OPHN1: variants seen among roughly 807,000 people sequenced by gnomAD.
OPHN1 encodes the protein oligophrenin-1.
Under a neutral mutation model 60.7 loss-of-function variants are expected in OPHN1, and 11 were observed. The ratio of observed to expected loss-of-function variants is 0.18; its 90% confidence interval spans 0.11 to 0.30. The LOEUF (loss-of-function observed/expected upper bound fraction) is 0.30. Ranked by LOEUF, OPHN1 falls within the 10% of genes least tolerant of loss-of-function variation. OPHN1 has a pLI of 1.00. For missense variants in OPHN1, 449 were observed against 611.0 expected (o/e 0.73, Z 2.80); for synonymous variants, 226 against 222.6 (o/e 1.02, Z -0.14).
chrX:68,346,889 C>T lies in OPHN1; in HGVS notation c.155-47793G>A, dbSNP rs1020513963. 4.5e-5 allele frequency among the ~76,000 whole-genome samples: 5 copies of T among 112,140 alleles called. No homozygotes were observed. In the East Asian group the frequency reaches 1.4e-3, roughly 32 times the overall value. ...TGACAAAGTAAGCTCAATTTCTCTG[C>T]GAGAATTCTTTTGGGAAAACAATCT... is the stretch of plus-strand genomic sequence containing the variant. On this transcript the variant is annotated intron_variant, in intron 2 of 24. Coordinates refer to ENST00000355520, the MANE Select transcript of OPHN1 (RefSeq NM_002547.3).
intron 24 of OPHN1, 73 bp downstream of exon 24, chrX:68,048,343 C>T (rs967796449): frequency 3.1e-6 from 3 of 975,612 alleles, no homozygotes; most frequent in Non-Finnish European, 1.5e-6. Context: ...TATTCCAGTC[C>T]TCAAAATATC....
intron 3 of OPHN1, among the ~76,000 whole-genome samples, chrX:68,287,273 A>AGAAGG (rs1326194805): frequency 2.0e-5 from 2 of 97,798 alleles, no homozygotes; most frequent in East Asian, 3.4e-4. Flanking sequence ...AAAAGAGAAG[A>AGAAGG]GAAGGGAAGG....
At chrX:68,253,598 T>A (rs2077846659) in intron 5 of OPHN1, among the ~76,000 whole-genome samples, 1 of 111,960 alleles carries the variant, frequency 8.9e-6, no homozygotes, top group African/African-American at 3.2e-5. Flanking sequence ...CTGCTAAATG[T>A]AAGCTACAAT....
chrX:68,336,671 AGAGT>A (rs1189587044), intron 2 of OPHN1, among the ~76,000 whole-genome samples: 1 of 84,429 alleles, frequency 1.2e-5, no homozygotes, highest in East Asian at 3.1e-4. Context: ...TGTGTGTGTG[AGAGT>A]GTGTGTGTGT....
chrX:68,393,599 C>T (rs191421424), intron 2 of OPHN1, among the ~76,000 whole-genome samples: 42 of 111,657 alleles, frequency 3.8e-4, no homozygotes, highest in Non-Finnish European at 7.0e-4. Flanking sequence ...GAGTTTCATG[C>T]GTCAAACATA....
chrX:68,269,499 A>T (rs1569264638), intron 5 of OPHN1, among the ~76,000 whole-genome samples: 1 of 111,856 alleles, frequency 8.9e-6, no homozygotes, highest in Non-Finnish European at 1.9e-5. Flanking sequence ...ACGATTCCCT[A>T]TTTAATAAAT....
intron 15 of OPHN1, among the ~76,000 whole-genome samples, chrX:68,151,405 A>G (rs1035366098): frequency 2.0e-4 from 22 of 112,143 alleles, no homozygotes; most frequent in Non-Finnish European, 3.8e-4. Flanking sequence ...ATTGAGGCTG[A>G]AAGACATATC....
At chrX:68,051,705 A>G (rs922269345) in intron 23 of OPHN1, among the ~76,000 whole-genome samples, 1 of 112,181 alleles carries the variant, frequency 8.9e-6, no homozygotes, top group African/African-American at 3.2e-5. Flanking sequence ...TAAAAAAAAA[A>G]ACTAACAAAA....
intron 2 of OPHN1, among the ~76,000 whole-genome samples, chrX:68,333,068 C>T (rs1435479477): frequency 1.8e-5 from 2 of 110,323 alleles, no homozygotes; most frequent in East Asian, 5.7e-4. Context: ...ACATTCTAGC[C>T]CCTGTTAAGC....
At chrX:68,184,840 CCCGT>C (rs2077455384) in intron 15 of OPHN1, among the ~76,000 whole-genome samples, 1 of 111,760 alleles carries the variant, frequency 8.9e-6, no homozygotes, top group Non-Finnish European at 1.9e-5. Flanking sequence ...AAGTGATCTG[CCCGT>C]CTCGGTCTCC....
At chrX:68,307,439 G>A (rs1221115340) in intron 2 of OPHN1, among the ~76,000 whole-genome samples, 1 of 103,219 alleles carries the variant, frequency 9.7e-6, no homozygotes, top group African/African-American at 3.7e-5. Context: ...CTGGGTGACA[G>A]AGCGAGACCC....
chrX:68,395,511 G>C (rs777599903), intron 2 of OPHN1, among the ~76,000 whole-genome samples: 68 of 104,886 alleles, frequency 6.5e-4, no homozygotes, highest in African/African-American at 1.9e-3. Flanking sequence ...GCAATGGCAC[G>C]ATCTCGGCTC....
At chrX:68,095,774 G>C (rs1284591403) in intron 19 of OPHN1, among the ~76,000 whole-genome samples, 2 of 111,049 alleles carry the variant, frequency 1.8e-5, no homozygotes, top group African/African-American at 6.6e-5. Flanking sequence ...GGCACTAGCT[G>C]CTATGAAGCT....
At chrX:68,171,908 C>T (rs1356880982) in intron 15 of OPHN1, among the ~76,000 whole-genome samples, 1 of 111,468 alleles carries the variant, frequency 9.0e-6, no homozygotes, top group African/African-American at 3.3e-5. Context: ...ATAACCACAA[C>T]ACATTATCAT....
chrX:68,374,351 T>A (rs1271857425), intron 2 of OPHN1, among the ~76,000 whole-genome samples: 2 of 90,603 alleles, frequency 2.2e-5, no homozygotes, highest in African/African-American at 5.0e-5. Flanking sequence ...TGAGACTCCA[T>A]CTCAAAAAAA....
chrX:68,355,218 C>A (rs1486068902), intron 2 of OPHN1, among the ~76,000 whole-genome samples: 2 of 112,624 alleles, frequency 1.8e-5, no homozygotes, highest in African/African-American at 3.2e-5. Context: ...AACTTAATAA[C>A]TGCATCTAGA....
intron 2 of OPHN1, among the ~76,000 whole-genome samples, chrX:68,306,067 A>G (rs1227211454): frequency 1.8e-5 from 2 of 112,350 alleles, no homozygotes; most frequent in Non-Finnish European, 3.8e-5. Flanking sequence ...GCTGCTGAAT[A>G]AATTCTTCCA....
At chrX:68,162,500 A>G (rs2077339405) in intron 15 of OPHN1, among the ~76,000 whole-genome samples, 1 of 110,833 alleles carries the variant, frequency 9.0e-6, no homozygotes, top group Admixed American at 9.7e-5. Context: ...GCCTCTGGAT[A>G]GTATAAAAAA....
chrX:68,284,713 C>T (rs917202721), intron 3 of OPHN1, among the ~76,000 whole-genome samples: 5 of 111,702 alleles, frequency 4.5e-5, no homozygotes, highest in African/African-American at 1.6e-4. Flanking sequence ...ACCACTTCCT[C>T]CCAACACCCA....
Sources: allele counts gnomAD v4.1 joint callset (sites outside exome capture counted in the v4.1 genomes callset), GRCh38; gene constraint gnomAD v4.1.1; transcripts MANE v1.5; gene names NCBI Gene and HGNC (gene_info 2026-07-23, HGNC 2026-07-21).